PIBF1: variants seen among roughly 807,000 people sequenced by gnomAD.
PIBF1 encodes the protein progesterone immunomodulatory binding factor 1.
A neutral mutation model predicts 112.5 loss-of-function variants in PIBF1; 90 were observed. That is an observed-to-expected ratio of 0.80 (90% confidence interval 0.67 to 0.95). The LOEUF is 0.95. Among genes scored for constraint, PIBF1 ranks in the 40% least tolerant of loss-of-function variants. The probability of loss-of-function intolerance (pLI) is 0.00; values close to 1 mark genes in which losing one functional copy is unlikely to be tolerated. For synonymous variants in PIBF1, 301 were observed against 288.6 expected (o/e 1.04, Z -0.44); for missense variants, 915 against 852.3 (o/e 1.07, Z -0.92).
At chr13:72,936,633 C>G (rs543414954) in intron 14 of PIBF1, among the ~76,000 whole-genome samples, 12 of 152,260 alleles carry the variant, frequency 7.9e-5, no homozygotes, top group Non-Finnish European at 1.2e-4. Flanking sequence ...GTTCTCGACT[C>G]TCTGTTCCAG....
intron 2 of PIBF1, among the ~76,000 whole-genome samples, chr13:72,790,562 GATAA>G (rs1429826717): frequency 4.5e-5 from 6 of 132,806 alleles, no homozygotes; most frequent in Admixed American, 1.5e-4. Context: ...TAGATAGATA[GATAA>G]ATCAGCATAT....
intron 11 of PIBF1, among the ~76,000 whole-genome samples, chr13:72,899,260 C>T (rs1039401772): frequency 3.9e-5 from 6 of 152,090 alleles, no homozygotes; most frequent in Non-Finnish European, 7.4e-5. Flanking sequence ...AGGAACCCTC[C>T]CTAATTCATT....
chr13:73,005,266 A>G (rs1448168833), intron 17 of PIBF1, among the ~76,000 whole-genome samples: 1 of 151,896 alleles, frequency 6.6e-6, no homozygotes, highest in East Asian at 1.9e-4. Flanking sequence ...AAGCCTGGGC[A>G]AAAACTTTTG....
At chr13:72,788,531 A>G (rs1053190637) in intron 2 of PIBF1, among the ~76,000 whole-genome samples, 1 of 152,226 alleles carries the variant, frequency 6.6e-6, no homozygotes, top group East Asian at 1.9e-4. Flanking sequence ...TTTCACCTGA[A>G]ATCATAAGAT....
chr13:72,887,304 C>T (rs2039896552), intron 10 of PIBF1, among the ~76,000 whole-genome samples: 1 of 151,744 alleles, frequency 6.6e-6, no homozygotes, highest in Admixed American at 6.6e-5. Context: ...AAAGTAATTT[C>T]AGATATGTTC....
intron 15 of PIBF1, among the ~76,000 whole-genome samples, chr13:72,972,703 T>A (rs2042927963): frequency 6.6e-6 from 1 of 152,184 alleles, no homozygotes; most frequent in Non-Finnish European, 1.5e-5. Context: ...AAAACAATTC[T>A]TGTTAGTTTT....
At position 72,861,161 on chromosome 13, in the gene PIBF1, A is replaced by C. The variant is rs2038680504; in HGVS notation, c.1322+7006A>C. ...AAAAAATATATTCTATGCAAGGTAC[A>C]GTGGCTCACACTTGTAATCCAGGCA... is the stretch of plus-strand genomic sequence containing the variant. On this transcript the variant is annotated intron_variant, in intron 10 of 17. Coordinates refer to ENST00000326291, the MANE Select transcript of PIBF1 (RefSeq NM_006346.4). Among the ~76,000 whole-genome samples, 5 of 152,240 alleles carry C rather than the reference A, an allele frequency of 3.3e-5. No individual in the cohort carries two copies. In the South Asian group the frequency reaches 1.0e-3, roughly 32 times the overall value.
intron 11 of PIBF1, 105 bp from the exon 12 acceptor site, chr13:72,908,426 A>G (rs369651327): frequency 1.8e-5 from 9 of 512,804 alleles, no homozygotes; most frequent in Non-Finnish European, 2.9e-5. Context: ...TTCTCTTAAT[A>G]TTTAAATAAC....
intron 14 of PIBF1, 121 bp downstream of exon 14, chr13:72,931,388 A>T (rs372777880): frequency 6.9e-6 from 5 of 722,114 alleles, no homozygotes; most frequent in Non-Finnish European, 1.2e-5. Flanking sequence ...TGATTTCACA[A>T]TTTATGAAAC....
intron 14 of PIBF1, among the ~76,000 whole-genome samples, chr13:72,962,161 A>G (rs1465820716): frequency 6.6e-6 from 1 of 152,190 alleles, no homozygotes; most frequent in East Asian, 1.9e-4. Flanking sequence ...TGTAACCGCT[A>G]ATAATATAAA....
intron 9 of PIBF1, among the ~76,000 whole-genome samples, chr13:72,838,974 A>T (rs938779279): frequency 1.3e-5 from 2 of 152,210 alleles, no homozygotes; most frequent in African/African-American, 4.8e-5. Flanking sequence ...GAGTTAAAAG[A>T]GATGAAACAG....
chr13:72,782,489 C>A (rs963536031), intron 1 of PIBF1, 140 bp downstream of exon 1: 1 of 152,270 alleles, frequency 6.6e-6, no homozygotes, highest in Non-Finnish European at 1.5e-5. Flanking sequence ...GAGAATTTGT[C>A]TTTGAATTCA....
intron 15 of PIBF1, chr13:72,970,494 A>G (rs1474525982): frequency 6.6e-6 from 1 of 152,186 alleles, no homozygotes; most frequent in Non-Finnish European, 1.5e-5. Flanking sequence ...AAGCTATCCC[A>G]GAGTGTATTG....
intron 11 of PIBF1, among the ~76,000 whole-genome samples, chr13:72,898,890 AC>A (rs1327936278): frequency 6.6e-6 from 1 of 151,828 alleles, no homozygotes; most frequent in African/African-American, 2.4e-5. Flanking sequence ...AACAAGATTA[AC>A]CAAGAAAAGA....
chr13:72,879,200 T>C (rs1005692671), intron 10 of PIBF1, among the ~76,000 whole-genome samples: 4 of 152,174 alleles, frequency 2.6e-5, no homozygotes, highest in Non-Finnish European at 4.4e-5. Context: ...TTGGTTTTAA[T>C]TGGCATTATG....
chr13:72,966,941 CT>C (rs547336254), intron 15 of PIBF1, among the ~76,000 whole-genome samples: 360 of 143,936 alleles, frequency 2.5e-3, no homozygotes, highest in African/African-American at 2.4e-3. Context: ...AATTTTGAAT[CT>C]TTTTTTTTTT....
chr13:72,970,315 C>A (rs1302219601), intron 15 of PIBF1, among the ~76,000 whole-genome samples: 1 of 152,106 alleles, frequency 6.6e-6, no homozygotes, highest in Admixed American at 6.6e-5. Context: ...TAACTTTCTT[C>A]CACCAAGCCA....
At chr13:72,876,131 ATTC>A (rs1389532735) in intron 10 of PIBF1, among the ~76,000 whole-genome samples, 2 of 27,958 alleles carry the variant, frequency 7.2e-5, no homozygotes, top group Non-Finnish European at 1.4e-4. Context: ...CTGTGTTCAG[ATTC>A]TTTTTTTTTT....
At chr13:72,883,158 A>G (rs2039710837) in intron 10 of PIBF1, among the ~76,000 whole-genome samples, 1 of 152,214 alleles carries the variant, frequency 6.6e-6, no homozygotes, top group Admixed American at 6.5e-5. Context: ...CGGCCATAAA[A>G]AAGAATGAAA....
Sources: allele counts gnomAD v4.1 joint callset (sites outside exome capture counted in the v4.1 genomes callset), GRCh38; gene constraint gnomAD v4.1.1; transcripts MANE v1.5; gene names NCBI Gene and HGNC (gene_info 2026-07-23, HGNC 2026-07-21).